BZW2: variants seen among roughly 807,000 people sequenced by gnomAD.
The protein encoded by BZW2 is basic leucine zipper and W2 domains 2.
Under a neutral mutation model 53.2 loss-of-function variants are expected in BZW2, and 23 were observed. That is an observed-to-expected ratio of 0.43 (90% CI 0.31 to 0.61). The LOEUF (loss-of-function observed/expected upper bound fraction) is 0.61, where lower values mean the gene tolerates loss of function less well. Among genes scored for constraint, BZW2 ranks in the 20% least tolerant of loss-of-function variants. BZW2 has a pLI of 0.09. For missense variants in BZW2, 409 were observed against 503.1 expected, an observed-to-expected ratio of 0.81 and a Z score of 1.79; for synonymous variants, 227 against 186.4, an observed-to-expected ratio of 1.22 and a Z score of -1.77.
intron 10 of BZW2, 119 bp downstream of exon 10, chr7:16,698,305 C>A: frequency 7.4e-7 from 1 of 1,349,102 alleles, no homozygotes; most frequent in Non-Finnish European, 1.0e-6. Flanking sequence ...CAGCAAGATG[C>A]TAATTTGTGA....
chr7:16,692,734 G>C (rs150990249), intron 7 of BZW2, among the ~76,000 whole-genome samples: 24 of 152,004 alleles, frequency 1.6e-4, no homozygotes, highest in African/African-American at 5.6e-4. Context: ...ACTTCACTCC[G>C]GCCTGGGTGA....
intron 3 of BZW2, among the ~76,000 whole-genome samples, chr7:16,677,905 A>G (rs1412665606): frequency 1.5e-4 from 23 of 152,124 alleles, no homozygotes; most frequent in Non-Finnish European, 4.4e-5. Context: ...ATGTCTATAC[A>G]TTCAAGAAGA....
chr7:16,685,881 T>TC (rs1347816359), intron 5 of BZW2, 24 bp from the exon 6 acceptor site: 26 of 1,156,320 alleles, frequency 2.2e-5, no homozygotes, highest in East Asian at 1.5e-4. Flanking sequence ...TTTTTCTTTT[T>TC]TTTTTTTTTT....
In BZW2 at chr7:16,681,530, C is replaced by CAAAA. The variant is rs1421733145; in HGVS notation, c.339+127_339+128insAAAA. 1.1e-4 allele frequency: 86 copies of CAAAA among 776,884 alleles called. 1 individual carries two copies. In the African/African-American group the frequency reaches 1.4e-3, roughly 13 times the overall value. 48.1% of individuals were successfully genotyped at this position (776,884 alleles called of 1,614,324 possible). A position where few individuals can be genotyped will look rare whatever the true frequency, so the allele number is the denominator to read the frequency against. The stretch of plus-strand genomic sequence containing the variant: ...CCTTTAAACTTATGAAAATAATGGG[C>CAAAA]ATTAAAACTACAAAAATAGGCCTAG... On this transcript the variant is annotated intron_variant, in intron 4 of 11. Coordinates refer to ENST00000258761, the MANE Select transcript of BZW2 (RefSeq NM_014038.3).
At chr7:16,679,189 C>T (rs1227856402) in intron 3 of BZW2, among the ~76,000 whole-genome samples, 2 of 152,168 alleles carry the variant, frequency 1.3e-5, no homozygotes, top group East Asian at 1.9e-4. Context: ...TCTTCAACTG[C>T]GTAAGTATTG....
chr7:16,703,046 CT>C (rs1783717601), intron 10 of BZW2, among the ~76,000 whole-genome samples: 1 of 152,150 alleles, frequency 6.6e-6, no homozygotes. Flanking sequence ...GCAAGGCAGT[CT>C]TACACAATAA....
chr7:16,672,242 T>C (rs1782623992), intron 2 of BZW2, among the ~76,000 whole-genome samples: 1 of 152,142 alleles, frequency 6.6e-6, no homozygotes. Flanking sequence ...TTGAGATTTT[T>C]CAAAAAATTT....
At position 16,698,098 on chromosome 7, in the gene BZW2, G is replaced by A. The variant is rs1377556261; in HGVS notation, c.1020G>A (p.Leu340=). 1.2e-6 allele frequency: 2 copies of A among 1,614,188 alleles called. No homozygotes were observed. The highest frequency in any genetic ancestry group is 1.7e-5 in the Admixed American group (1 of 60,026). ...AVFSSQGQSE[L]ILLQKVQEYC... ...TCAGCTCCCAAGGCCAGTCAGAGCT[G>A]ATCCTCCTCCAGAAGGTTCAGGAAT... The change falls in exon 10 of 12, where the codon CTG becomes CTA. Residue 340 remains leucine, a synonymous_variant. Coordinates refer to ENST00000258761, the MANE Select transcript of BZW2 (RefSeq NM_014038.3).
chr7:16,691,504 C>G (rs1048710342), intron 7 of BZW2, among the ~76,000 whole-genome samples: 5 of 152,206 alleles, frequency 3.3e-5, no homozygotes, highest in African/African-American at 1.2e-4. Context: ...GGAGCAGCTC[C>G]CATCTGGGCC....
intron 2 of BZW2, among the ~76,000 whole-genome samples, chr7:16,672,431 A>G (rs1349770965): frequency 6.6e-6 from 1 of 151,522 alleles, no homozygotes; most frequent in African/African-American, 2.4e-5. Flanking sequence ...TTTTCCTATC[A>G]TATTTTTTAT....
intron 1 of BZW2, among the ~76,000 whole-genome samples, chr7:16,664,283 C>T (rs1782354777): frequency 6.6e-6 from 1 of 152,046 alleles, no homozygotes; most frequent in Admixed American, 6.6e-5. Flanking sequence ...GGGTATAGAC[C>T]CCAGACAAAG....
In BZW2 at chr7:16,682,793, T is replaced by C; in HGVS notation, c.353T>C (p.Leu118Pro). 1 of 1,566,574 alleles carries C rather than the reference T, an allele frequency of 6.4e-7. No individual in the cohort carries two copies. Among genetic ancestry groups the C allele is most frequent in the African/African-American group, 1.4e-5 (1 of 72,462 alleles). ...TTTTTTTTTTAGGTCTTCAATAAAC[T>C]CATCAGGAGATATAAGTATTTGGAG... ...IRNYAQVFNK[L>P]IRRYKYLEKA... is the part of the protein sequence containing the mutation. The change falls in exon 5 of 12, where the codon CTC (leucine) becomes CCC (proline). Residue 118 changes from leucine (L) to proline (P), a missense_variant. Around this residue, in one of 3 missense-constraint regions of BZW2, gnomAD observed 316 missense variants for 366.8 expected, o/e 0.86. Coordinates refer to ENST00000258761, the MANE Select transcript of BZW2 (RefSeq NM_014038.3).
chr7:16,696,932 A>T lies in BZW2; in HGVS notation c.840A>T (p.Lys280Asn). ...TAATGTAGGTGGTGCTTTATGTCAAAGAAGAAATGAAGAGGAATGATCTTC... is the reference window on the plus strand; with the variant it reads ...TAATGTAGGTGGTGCTTTATGTCAATGAAGAAATGAAGAGGAATGATCTTC... The part of the protein sequence containing the change: ...CPIKEVVLYV[K>N]EEMKRNDLPE... The change falls in exon 9 of 12, where the codon AAA becomes AAT. Residue 280 changes from lysine (K) to asparagine (N), a missense_variant. Lys to Asn is a moderately conservative substitution (Grantham distance 94). Around this residue, in one of 3 missense-constraint regions of BZW2, gnomAD observed 316 missense variants for 366.8 expected, o/e 0.86. Coordinates refer to ENST00000258761, the MANE Select transcript of BZW2 (RefSeq NM_014038.3). 1 of 1,614,100 alleles carries T rather than the reference A, an allele frequency of 6.2e-7. No individual in the cohort carries two copies. The highest frequency in any genetic ancestry group is 8.5e-7 in the Non-Finnish European group (1 of 1,179,980).
At chr7:16,660,859 G>C (rs1045981053) in intron 1 of BZW2, among the ~76,000 whole-genome samples, 2 of 151,962 alleles carry the variant, frequency 1.3e-5, no homozygotes, top group African/African-American at 4.8e-5. Flanking sequence ...ACCTCCTGGG[G>C]GTCCAATCTG....
chr7:16,658,391 G>T (rs1253694947), intron 1 of BZW2, among the ~76,000 whole-genome samples: 3 of 151,918 alleles, frequency 2.0e-5, no homozygotes, highest in Non-Finnish European at 4.4e-5. Context: ...TTATTTAAAA[G>T]GAAATTTTAA....
intron 2 of BZW2, among the ~76,000 whole-genome samples, chr7:16,668,548 A>G (rs1464512051): frequency 6.6e-6 from 1 of 152,172 alleles, no homozygotes; most frequent in Non-Finnish European, 1.5e-5. Context: ...CCTCCTGATG[A>G]TTTCTCATCC....
intron 2 of BZW2, among the ~76,000 whole-genome samples, chr7:16,671,009 C>T (rs1182267608): frequency 6.6e-6 from 1 of 152,178 alleles, no homozygotes; most frequent in Non-Finnish European, 1.5e-5. Context: ...TCTGTTAGAC[C>T]ACTTACAAGC....
In BZW2 at chr7:16,663,748, A is replaced by G. The variant is rs73312770; in HGVS notation, c.-7-1689A>G. ...GGTAATTAAATAATTTGCTTGAATA[A>G]TGCATGTTATATTGAATGTTTGGAC... On this transcript the variant is annotated intron_variant, in intron 1 of 11. Coordinates refer to ENST00000258761, the MANE Select transcript of BZW2 (RefSeq NM_014038.3). 3.6e-3 allele frequency among the ~76,000 whole-genome samples: 541 copies of G among 152,296 alleles called. 2 individuals carry two copies. The highest frequency in any genetic ancestry group is 0.013 in the African/African-American group (522 of 41,574).
At chr7:16,647,505 C>T (rs1444298670) in intron 1 of BZW2, among the ~76,000 whole-genome samples, 1 of 152,176 alleles carries the variant, frequency 6.6e-6, no homozygotes, top group Non-Finnish European at 1.5e-5. Context: ...CTTTCCTAAA[C>T]TCCAGCTGTT....
Sources: gnomAD v4.1 joint callset for allele counts (sites outside exome capture counted in the v4.1 genomes callset) on GRCh38, gnomAD v4.1.1 for gene constraint, gnomAD v4.1.1 regional missense constraint, MANE v1.5 for transcripts, NCBI Gene and HGNC (gene_info 2026-07-23, HGNC 2026-07-21) for gene names.